Variants in CSMD1 observed in about 807,000 individuals in gnomAD.
CSMD1 encodes the protein CUB and Sushi multiple domains 1, also known as CUB and sushi domain-containing protein 1.
Under a neutral mutation model 417.5 loss-of-function variants are expected in CSMD1, and 213 were observed. The observed-to-expected ratio is 0.51, with a 90% confidence interval of 0.46 to 0.57. The LOEUF is 0.57. Among genes scored for constraint, CSMD1 ranks in the 20% least tolerant of loss-of-function variants. The pLI, the probability that CSMD1 is intolerant of heterozygous loss-of-function variation, is 0.00. For synonymous variants in CSMD1, 2,862 were observed against 1,736.8 expected (o/e 1.65, Z -16.11); for missense variants, 6,923 against 4,529.7 (o/e 1.53, Z -15.17).
chr8:3,191,753 A>G (rs531757932), intron 33 of CSMD1, among the ~76,000 whole-genome samples: 70 of 152,334 alleles, frequency 4.6e-4, no homozygotes, highest in African/African-American at 1.6e-3. Context: ...ATTGGCAAAG[A>G]GGTCCATCAC....
intron 3 of CSMD1, among the ~76,000 whole-genome samples, chr8:4,135,926 C>T (rs1803404389): frequency 6.6e-6 from 1 of 151,744 alleles, no homozygotes; most frequent in Non-Finnish European, 1.5e-5. Flanking sequence ...GTTAGTTTTC[C>T]CTGGATTGGG....
chr8:4,920,966 GAAAGAAAGAAAGAAACAAAGAAAGAAAGA>G lies in CSMD1; in HGVS notation c.85+73337_85+73365del, dbSNP rs1806434093. On this transcript the variant is annotated intron_variant, in intron 1 of 69. Transcript: ENST00000635120. ...AGAAAGAAAGAAAGAAAGAAAGAAAGAAAGAAAGAAAGAAACAAAGAAAGAAAGAAAAGAAAGAAAGAAAGAAAAGAAAG... is the reference window on the plus strand; with the variant it reads ...AGAAAGAAAGAAAGAAAGAAAGAAAGAAAGAAAGAAAGAAAGAAAAGAAAG... Among the ~76,000 whole-genome samples the G allele has an allele frequency of 5.9e-4, 5 of 8,416 alleles. 1 individual carries two copies. Among genetic ancestry groups the G allele is most frequent in the Admixed American group, 2.1e-3 (1 of 476 alleles). The allele number at this position is 8,416 out of a possible 152,430, so 5.5% of individuals were successfully genotyped here.
At chr8:4,636,515 T>G (rs1203303192) in intron 2 of CSMD1, among the ~76,000 whole-genome samples, 1 of 152,166 alleles carries the variant, frequency 6.6e-6, no homozygotes, top group Non-Finnish European at 1.5e-5. Context: ...TCTGACAACA[T>G]AAGGGTTCAT....
At chr8:3,735,088 C>T (rs755540851) in intron 6 of CSMD1, among the ~76,000 whole-genome samples, 16 of 152,314 alleles carry the variant, frequency 1.1e-4, no homozygotes, top group South Asian at 6.2e-4. Flanking sequence ...GCCACCACAA[C>T]GATGTGAAAC....
intron 5 of CSMD1, among the ~76,000 whole-genome samples, chr8:3,790,090 C>T (rs916720292): frequency 6.6e-6 from 1 of 152,132 alleles, no homozygotes; most frequent in Non-Finnish European, 1.5e-5. Flanking sequence ...CATTATATGT[C>T]TATTAAATGA....
At chr8:4,649,952 G>A (rs186498165) in intron 1 of CSMD1, among the ~76,000 whole-genome samples, 1 of 152,302 alleles carries the variant, frequency 6.6e-6, no homozygotes, top group East Asian at 1.9e-4. Flanking sequence ...TCCACAGAGT[G>A]TCGTTCACAC....
At chr8:3,234,263 T>C (rs1799022205) in intron 26 of CSMD1, among the ~76,000 whole-genome samples, 1 of 152,146 alleles carries the variant, frequency 6.6e-6, no homozygotes, top group Admixed American at 6.5e-5. Flanking sequence ...ATGACACAAT[T>C]TGAAAATCCA....
intron 1 of CSMD1, among the ~76,000 whole-genome samples, chr8:4,768,785 T>C (rs1055412453): frequency 2.0e-5 from 3 of 152,260 alleles, no homozygotes; most frequent in South Asian, 2.1e-4. Context: ...GCACATCTTA[T>C]GGGAAGAGAG....
chr8:3,373,572 G>A (rs1810111647), intron 18 of CSMD1: 1 of 152,156 alleles, frequency 6.6e-6, no homozygotes, highest in South Asian at 2.1e-4. Context: ...AGAATGAAAT[G>A]AAATACCTGA....
chr8:3,330,544 G>T (rs754134710), intron 23 of CSMD1, among the ~76,000 whole-genome samples: 1 of 152,306 alleles, frequency 6.6e-6, no homozygotes, highest in East Asian at 1.9e-4. Context: ...GAGCTAAATG[G>T]TGTGAACTCA....
chr8:3,703,293 A>C (rs576956532), intron 7 of CSMD1, among the ~76,000 whole-genome samples: 1 of 152,276 alleles, frequency 6.6e-6, no homozygotes, highest in South Asian at 2.1e-4. Flanking sequence ...TGAATTGTGG[A>C]GGGTTGAAAG....
At chr8:3,513,876 T>C (rs1350423147) in intron 10 of CSMD1, among the ~76,000 whole-genome samples, 1 of 152,090 alleles carries the variant, frequency 6.6e-6, no homozygotes, top group Non-Finnish European at 1.5e-5. Context: ...AAAAAGTAGA[T>C]AAACACACAA....
intron 26 of CSMD1, among the ~76,000 whole-genome samples, chr8:3,236,647 C>G (rs1563170501): frequency 6.6e-6 from 1 of 152,192 alleles, no homozygotes; most frequent in African/African-American, 2.4e-5. Context: ...AGGCTCTTCA[C>G]AAAGTGATTG....
At chr8:4,570,649 T>C (rs1390946333) in intron 2 of CSMD1, among the ~76,000 whole-genome samples, 20 of 152,226 alleles carry the variant, frequency 1.3e-4, no homozygotes, top group Admixed American at 1.3e-3. Flanking sequence ...TGGATGATGC[T>C]GGCCTCATAA....
intron 54 of CSMD1, among the ~76,000 whole-genome samples, chr8:2,997,735 T>G (rs188503305): frequency 1.3e-5 from 2 of 152,094 alleles, no homozygotes; most frequent in Non-Finnish European, 2.9e-5. Flanking sequence ...TAGAAATAAA[T>G]GTGTAAATAC....
chr8:4,333,994 C>T (rs1489872387), intron 3 of CSMD1, among the ~76,000 whole-genome samples: 1 of 152,054 alleles, frequency 6.6e-6, no homozygotes, highest in African/African-American at 2.4e-5. Flanking sequence ...TGCCTCAAGC[C>T]ATCCTCCCGC....
intron 2 of CSMD1, among the ~76,000 whole-genome samples, chr8:4,521,482 A>T (rs1803442536): frequency 1.3e-5 from 2 of 152,244 alleles, no homozygotes; most frequent in South Asian, 4.1e-4. Flanking sequence ...ATGCATTTAT[A>T]TAAGAAAATT....
chr8:3,339,106 A>G (rs1161481746), intron 23 of CSMD1, among the ~76,000 whole-genome samples: 1 of 150,956 alleles, frequency 6.6e-6, no homozygotes, highest in Non-Finnish European at 1.5e-5. Flanking sequence ...TGTTCTTGCG[A>G]TAGTTTACTG....
intron 49 of CSMD1, among the ~76,000 whole-genome samples, chr8:3,075,867 C>T (rs1813629045): frequency 6.7e-6 from 1 of 148,806 alleles, no homozygotes; most frequent in Non-Finnish European, 1.5e-5. Flanking sequence ...TGGGGAAACA[C>T]TGTCTCTACT....
Sources: gnomAD v4.1 joint callset for allele counts (sites outside exome capture counted in the v4.1 genomes callset) on GRCh38, gnomAD v4.1.1 for gene constraint, MANE v1.5 for transcripts, NCBI Gene and HGNC (gene_info 2026-07-23, HGNC 2026-07-21) for gene names.